The following TRIM44 variants were observed in gnomAD, a reference collection of about 807,000 sequenced individuals.
The protein encoded by TRIM44 is tripartite motif containing 44.
In TRIM44, 13 loss-of-function variants were observed where a neutral mutation model predicts 37.4. That is an observed-to-expected ratio of 0.35 (90% confidence interval 0.23 to 0.55). The LOEUF is 0.55. Among genes scored for constraint, TRIM44 ranks in the 20% least tolerant of loss-of-function variants. TRIM44 has a pLI of 0.89. For missense variants in TRIM44, 426 were observed against 437.2 expected (o/e 0.97, Z 0.23); for synonymous variants, 175 against 157.2 (o/e 1.11, Z -0.85).
At chr11:35,747,702 T>G (rs1720420242) in intron 4 of TRIM44, among the ~76,000 whole-genome samples, 1 of 152,136 alleles carries the variant, frequency 6.6e-6, no homozygotes, top group African/African-American at 2.4e-5. Flanking sequence ...GAACAGGAAC[T>G]TCTCTCCCCA....
intron 4 of TRIM44, among the ~76,000 whole-genome samples, chr11:35,749,733 G>A (rs1852538765): frequency 6.6e-6 from 1 of 152,208 alleles, no homozygotes; most frequent in Non-Finnish European, 1.5e-5. Context: ...TTAAAACTAT[G>A]AGGTTACCCT....
chr11:35,711,767 A>T (rs901329249), intron 2 of TRIM44, among the ~76,000 whole-genome samples: 3 of 152,100 alleles, frequency 2.0e-5, no homozygotes, highest in Non-Finnish European at 4.4e-5. Flanking sequence ...AAAAAAGTGC[A>T]GAGTACAGCC....
chr11:35,788,463 C>G (rs1194364459), intron 4 of TRIM44, among the ~76,000 whole-genome samples: 2 of 152,118 alleles, frequency 1.3e-5, no homozygotes, highest in Admixed American at 6.5e-5. Flanking sequence ...AATAAAGCCT[C>G]TAGTATGGCG....
chr11:35,706,533 A>G (rs1047527567), intron 2 of TRIM44, among the ~76,000 whole-genome samples: 35 of 152,214 alleles, frequency 2.3e-4, no homozygotes, highest in African/African-American at 8.2e-4. Flanking sequence ...GGCAAACCGA[A>G]TCCAGCAGCA....
chr11:35,783,643 A>G (rs538663856), intron 4 of TRIM44, among the ~76,000 whole-genome samples: 7 of 152,336 alleles, frequency 4.6e-5, no homozygotes, highest in Non-Finnish European at 8.8e-5. Flanking sequence ...AGAGGAAATT[A>G]GGGACGCCTT....
rs569948742 is a variant in TRIM44 at position 35,727,083 on chromosome 11, C to T, written c.987+920C>T. On this transcript the variant is annotated intron_variant, in intron 3 of 4. Coordinates refer to ENST00000299413, the MANE Select transcript of TRIM44 (RefSeq NM_017583.6). ...AGAGGTAGGAAGATTACTTGAGCCCCGGAGGTTGAGGCTGCAGTGAGCTGT... is the reference window on the plus strand; with the variant it reads ...AGAGGTAGGAAGATTACTTGAGCCCTGGAGGTTGAGGCTGCAGTGAGCTGT... Among the ~76,000 whole-genome samples, 14 of 151,088 alleles carry T rather than the reference C, an allele frequency of 9.3e-5. No homozygotes were observed. The South Asian group carries it at 2.3e-3, about 25-fold the overall frequency.
At chr11:35,668,620 G>A (rs902461764) in intron 1 of TRIM44, among the ~76,000 whole-genome samples, 2 of 152,188 alleles carry the variant, frequency 1.3e-5, no homozygotes, top group East Asian at 3.8e-4. Context: ...TCACTGATGG[G>A]CATTTAAATT....
chr11:35,683,532 C>T (rs1851542256), intron 1 of TRIM44, among the ~76,000 whole-genome samples: 2 of 152,136 alleles, frequency 1.3e-5, no homozygotes, highest in Non-Finnish European at 2.9e-5. Flanking sequence ...TATGTTATCA[C>T]AGATCCAGAG....
At chr11:35,685,149 T>G (rs1046714020) in intron 1 of TRIM44, 110 bp from the exon 2 acceptor site, 8 of 798,622 alleles carry the variant, frequency 1.0e-5, no homozygotes, top group Non-Finnish European at 1.1e-5. Flanking sequence ...TTAGCTCTCT[T>G]GGCTGTTAAG....
At chr11:35,693,344 T>C (rs554495852) in intron 2 of TRIM44, among the ~76,000 whole-genome samples, 5 of 152,276 alleles carry the variant, frequency 3.3e-5, no homozygotes, top group African/African-American at 1.2e-4. Context: ...ACTAAAACTT[T>C]AGTCACTGAT....
In TRIM44 at chr11:35,816,366, A is replaced by G. The variant is rs1853580235; in HGVS notation, c.*9981A>G. ...AAACCACACACAATGTCTAACTTCAAAAAGAGTATTTAGATCCCCCCTGGG... is the reference window on the plus strand; with the variant it reads ...AAACCACACACAATGTCTAACTTCAGAAAGAGTATTTAGATCCCCCCTGGG... On this transcript the variant is annotated 3_prime_UTR_variant, in exon 5 of 5. Coordinates refer to ENST00000299413, the MANE Select transcript of TRIM44 (RefSeq NM_017583.6). The G allele has an allele frequency of 6.6e-6, 1 of 152,214 alleles. No individual in the cohort carries two copies. Among genetic ancestry groups the G allele is most frequent in the Admixed American group, 6.5e-5 (1 of 15,276 alleles). 9.4% of individuals were successfully genotyped at this position (152,214 alleles called of 1,614,324 possible).
At chr11:35,704,751 C>T (rs1453957865) in intron 2 of TRIM44, among the ~76,000 whole-genome samples, 1 of 152,102 alleles carries the variant, frequency 6.6e-6, no homozygotes, top group East Asian at 1.9e-4. Flanking sequence ...TACAAGAGCT[C>T]CTGAAGGAAG....
At chr11:35,753,386 A>G (rs1321476817) in intron 4 of TRIM44, among the ~76,000 whole-genome samples, 1 of 152,198 alleles carries the variant, frequency 6.6e-6, no homozygotes, top group Non-Finnish European at 1.5e-5. Flanking sequence ...AGCTTGACAG[A>G]GATTCTACTC....
intron 2 of TRIM44, among the ~76,000 whole-genome samples, chr11:35,693,714 AG>A (rs1167121991): frequency 6.6e-6 from 1 of 152,122 alleles, no homozygotes; most frequent in African/African-American, 2.4e-5. Flanking sequence ...CAAAACTTAG[AG>A]CCTCAGCACC....
At chr11:35,742,459 T>A (rs901752298) in intron 4 of TRIM44, among the ~76,000 whole-genome samples, 1 of 135,370 alleles carries the variant, frequency 7.4e-6, no homozygotes, top group Non-Finnish European at 1.5e-5. Flanking sequence ...ATTATATTAA[T>A]TACAATTAAT....
intron 2 of TRIM44, among the ~76,000 whole-genome samples, chr11:35,690,588 C>G (rs902109634): frequency 6.6e-6 from 1 of 152,196 alleles, no homozygotes; most frequent in Non-Finnish European, 1.5e-5. Context: ...CCTCAGCTAT[C>G]AAGTTGTTAC....
chr11:35,772,076 A>G (rs2133866304), intron 4 of TRIM44, among the ~76,000 whole-genome samples: 1 of 152,300 alleles, frequency 6.6e-6, no homozygotes, highest in East Asian at 1.9e-4. Flanking sequence ...AAAGGGGCCA[A>G]CGTAGAGCTC....
chr11:35,813,613 A>G lies in TRIM44; in HGVS notation c.*7228A>G, dbSNP rs1229192141. ...CCTGATATATGGGTTATTTAGTGTC[A>G]AAAACAGTCTATACACATCTCAATC... On this transcript the variant is annotated 3_prime_UTR_variant, in exon 5 of 5. Transcript: ENST00000299413. 6.6e-6 allele frequency: 1 copy of G among 152,214 alleles called. No homozygotes were observed. The allele number at this position is 152,214 out of a possible 1,614,324, so 9.4% of individuals were successfully genotyped here.
chr11:35,709,662 C>T (rs1356198476), intron 2 of TRIM44, among the ~76,000 whole-genome samples: 20 of 152,098 alleles, frequency 1.3e-4, no homozygotes, highest in Admixed American at 1.3e-3. Flanking sequence ...AAATGCAAAT[C>T]CGTGGGGCTC....
Sources: allele counts gnomAD v4.1 joint callset (sites outside exome capture counted in the v4.1 genomes callset), GRCh38; gene constraint gnomAD v4.1.1; transcripts MANE v1.5; gene names NCBI Gene and HGNC (gene_info 2026-07-23, HGNC 2026-07-21).